ZNF438: variants seen among roughly 807,000 people sequenced by gnomAD.
The protein encoded by ZNF438 is zinc finger protein 438.
In ZNF438, 25 loss-of-function variants were observed where a neutral mutation model predicts 38.0. The observed-to-expected ratio is 0.66, with a 90% CI of 0.48 to 0.92. The LOEUF (loss-of-function observed/expected upper bound fraction) is 0.92. Among genes scored for constraint, ZNF438 ranks in the 40% least tolerant of loss-of-function variants. The pLI is 0.00. For synonymous variants in ZNF438, 372 were observed against 364.1 expected (o/e 1.02, Z -0.25); for missense variants, 1,007 against 999.6 (o/e 1.01, Z -0.10).
At chr10:30,966,626 C>T (rs1010013802) in intron 1 of ZNF438, among the ~76,000 whole-genome samples, 9 of 148,480 alleles carry the variant, frequency 6.1e-5, no homozygotes, top group African/African-American at 9.9e-5. Context: ...GCTGAGATTG[C>T]GCCACTGCAC....
At chr10:30,930,803 CAAAAAAAAAAAAAAAA>C (rs71527620) in intron 2 of ZNF438, among the ~76,000 whole-genome samples, 10 of 38,442 alleles carry the variant, frequency 2.6e-4, no homozygotes, top group South Asian at 5.3e-3. Flanking sequence ...GAAACTCAGT[CAAAAAAAAAAAAAAAA>C]AAAAAAAAAA....
chr10:31,026,397 A>AAAAAAC (rs1383332849), intron 1 of ZNF438, among the ~76,000 whole-genome samples: 16 of 151,908 alleles, frequency 1.1e-4, no homozygotes, highest in Middle Eastern at 6.8e-3. Context: ...TTTACAAGAA[A>AAAAAAC]AAATCAAACA....
At chr10:30,893,739 G>T (rs1480844510) in intron 3 of ZNF438, among the ~76,000 whole-genome samples, 13 of 152,028 alleles carry the variant, frequency 8.6e-5, no homozygotes, top group Non-Finnish European at 1.8e-4. Flanking sequence ...TATTTTAGAT[G>T]TACACTGCTC....
chr10:30,871,957 A>G (rs933490579), intron 4 of ZNF438, among the ~76,000 whole-genome samples: 3 of 152,160 alleles, frequency 2.0e-5, no homozygotes, highest in African/African-American at 7.2e-5. Context: ...AACACTCACA[A>G]TTTGAAAACT....
At chr10:30,908,725 T>G (rs1181798899) in intron 3 of ZNF438, among the ~76,000 whole-genome samples, 2 of 152,196 alleles carry the variant, frequency 1.3e-5, no homozygotes, top group African/African-American at 4.8e-5. Context: ...CTACTAATAC[T>G]GAAATTTAGT....
chr10:30,868,073 A>AT (rs755296203), intron 4 of ZNF438, among the ~76,000 whole-genome samples: 221 of 149,636 alleles, frequency 1.5e-3, no homozygotes, highest in African/African-American at 3.9e-3. Context: ...TTTTTAAAGA[A>AT]TTTTTTTTTT....
At chr10:30,844,778 A>G in exon 6 of ZNF438, 3 of 738,684 alleles carry the variant, frequency 4.1e-6, no homozygotes, top group Non-Finnish European at 6.5e-6. Flanking sequence ...AGTTAGAAAA[A>G]TATGCTTCGA....
chr10:31,012,856 T>C (rs539845036), intron 1 of ZNF438, among the ~76,000 whole-genome samples: 102 of 152,340 alleles, frequency 6.7e-4, no homozygotes, highest in African/African-American at 2.1e-3. Context: ...TGTGTGGTTA[T>C]TGGCCAGTGA....
At chr10:30,926,965 G>A (rs1477595709) in intron 2 of ZNF438, among the ~76,000 whole-genome samples, 1 of 152,226 alleles carries the variant, frequency 6.6e-6, no homozygotes, top group Non-Finnish European at 1.5e-5. Context: ...TAAGTTGAGA[G>A]AGAAGAGAAT....
intron 4 of ZNF438, among the ~76,000 whole-genome samples, chr10:30,864,398 C>G (rs578249672): frequency 6.6e-6 from 1 of 152,314 alleles, no homozygotes; most frequent in East Asian, 1.9e-4. Context: ...CTCAGGGAGG[C>G]TGGCCTGTGA....
intron 1 of ZNF438, among the ~76,000 whole-genome samples, chr10:30,955,767 G>C (rs1302644415): frequency 6.6e-6 from 1 of 152,084 alleles, no homozygotes; most frequent in Non-Finnish European, 1.5e-5. Flanking sequence ...TGAATATTGG[G>C]GCATTTTATT....
At chr10:30,953,268 G>A (rs1168573382) in intron 1 of ZNF438, among the ~76,000 whole-genome samples, 3 of 151,710 alleles carry the variant, frequency 2.0e-5, no homozygotes, top group African/African-American at 4.8e-5. Context: ...GGGGGTAGAG[G>A]GGAGGGATAA....
intron 1 of ZNF438, among the ~76,000 whole-genome samples, chr10:30,986,853 C>A (rs1589591537): frequency 1.3e-5 from 2 of 152,074 alleles, no homozygotes; most frequent in East Asian, 3.8e-4. Flanking sequence ...CAGACGAATT[C>A]ATGAAAACAA....
chr10:31,023,283 C>A (rs995825605), intron 1 of ZNF438, among the ~76,000 whole-genome samples: 1 of 152,056 alleles, frequency 6.6e-6, no homozygotes, highest in East Asian at 1.9e-4. Context: ...CGGCATCTAT[C>A]AAGACTAATT....
chr10:30,889,358 A>G (rs1257649649), intron 3 of ZNF438, among the ~76,000 whole-genome samples: 1 of 151,974 alleles, frequency 6.6e-6, no homozygotes, highest in East Asian at 1.9e-4. Flanking sequence ...TCCTTCCCTA[A>G]ATGGCTGCAT....
chr10:30,845,079 T>C (rs1305093161), exon 6 of ZNF438: 8 of 1,613,944 alleles, frequency 5.0e-6, no homozygotes, highest in Non-Finnish European at 6.8e-6. Flanking sequence ...GTGGAGGAGG[T>C]CCTCTTTCCG....
chr10:30,898,263 T>G (rs753997956), intron 3 of ZNF438, among the ~76,000 whole-genome samples: 7 of 152,130 alleles, frequency 4.6e-5, no homozygotes, highest in Non-Finnish European at 1.0e-4. Context: ...AACAGCAGTA[T>G]CAACAATGAG....
rs577292976 is a variant in ZNF438, at chr10:30,976,354, A to C, written c.-191-34703T>G. Among the ~76,000 whole-genome samples the C allele has an allele frequency of 7.2e-5, 11 of 152,342 alleles. No homozygotes were observed. In the East Asian group the frequency reaches 1.9e-3, roughly 27 times the overall value. ...AACATATCTAAAAGTAATGACAAAG[A>C]AAGTGTAAATATAACGGGAAGCACA... On this transcript the variant is annotated intron_variant, in intron 1 of 5. Coordinates refer to ENST00000413025, the Ensembl canonical transcript of ZNF438.
At position 31,015,505 on chromosome 10, in the gene ZNF438, G is replaced by A. The variant is rs929137199; in HGVS notation, c.-192+16328C>T. 5.9e-5 allele frequency among the ~76,000 whole-genome samples: 9 copies of A among 152,182 alleles called. 1 individual carries two copies. The highest frequency in any genetic ancestry group is 4.1e-4 in the South Asian group (2 of 4,820). ...CTAAAAATACAAAAATTAGCCGGAC[G>A]TAGTGGTGTATGCCTGCAATCCCAG... On this transcript the variant is annotated intron_variant, in intron 1 of 5. Coordinates refer to ENST00000413025, the Ensembl canonical transcript of ZNF438.
Sources: gnomAD v4.1 joint callset for allele counts (sites outside exome capture counted in the v4.1 genomes callset) on GRCh38, gnomAD v4.1.1 for gene constraint, MANE v1.5 for transcripts, NCBI Gene and HGNC (gene_info 2026-07-23, HGNC 2026-07-21) for gene names.